Variants in FATE1 observed in about 807,000 individuals in gnomAD.
FATE1 encodes the protein fetal and adult testis-expressed transcript protein.
A neutral mutation model predicts 16.0 loss-of-function variants in FATE1; 18 were observed. That is an observed-to-expected ratio of 1.12 (90% confidence interval 0.78 to 1.66). The LOEUF is 1.66. Among genes scored for constraint, FATE1 ranks in the 40% most tolerant of loss-of-function variants. The pLI is 0.00. For synonymous variants in FATE1, 76 were observed against 56.9 expected (o/e 1.34, Z -1.51); for missense variants, 169 against 152.7 (o/e 1.11, Z -0.56).
intron 2 of FATE1, among the ~76,000 whole-genome samples, chrX:151,720,532 C>G (rs1386748354): frequency 8.9e-6 from 1 of 111,859 alleles, no homozygotes; most frequent in East Asian, 2.8e-4. Context: ...TACTGCTCTG[C>G]TACTTCCTAG....
chrX:151,722,633 T>G lies in FATE1; in HGVS notation c.426T>G (p.Tyr142Ter), dbSNP rs771447856. The G allele has an allele frequency of 8.3e-7, 1 of 1,211,405 alleles. No individual in the cohort carries two copies. ...TGCCTTTGACTCCTCTGCAGCTGTA[T>G]GCAGTCAACCGGCGTCTGCGCGCCC... Reference protein sequence around the residue: ...LEMEVMRRQLYAVNRRLRALE... With the variant: ...LEMEVMRRQL Residue 142 changes from tyrosine to a stop codon, truncating the protein, a stop_gained, in exon 5 of 5, where the codon TAT (tyrosine) becomes TAG (stop). Transcript: ENST00000370350. LOFTEE classifies it high-confidence loss of function.
At chrX:151,721,569 G>C in intron 3 of FATE1, 68 bp downstream of exon 3, 1 of 964,083 alleles carries the variant, frequency 1.0e-6, no homozygotes, top group Non-Finnish European at 1.5e-6. Flanking sequence ...AGGGGCTGGT[G>C]AGCAGCCTGG....
At position 151,723,047 on chromosome X, in the gene FATE1, C is replaced by CG; in HGVS notation, c.*288_*289insG. 3.3e-6 allele frequency: 1 copy of CG among 298,534 alleles called. No individual in the cohort carries two copies. The highest frequency in any genetic ancestry group is 5.9e-6 in the Non-Finnish European group (1 of 170,153). The allele number at this position is 298,534 out of a possible 1,213,427, so 24.6% of individuals were successfully genotyped here. A position where few individuals can be genotyped will look rare whatever the true frequency, so the allele number is the denominator to read the frequency against. On this transcript the variant is annotated 3_prime_UTR_variant, in exon 5 of 5. Transcript: ENST00000370350. ...GCCCCACAGTAACACCTAGTGGCAA[C>CG]CTTGCCTTCCTGACCTCAGCGGCCC...
Position 151,716,078 on chromosome X carries a change from G to A in FATE1, c.-42G>A, listed in dbSNP as rs1447503625. The A allele has an allele frequency of 9.1e-7, 1 of 1,100,455 alleles. No individual in the cohort carries two copies. The highest frequency in any genetic ancestry group is 1.2e-6 in the Non-Finnish European group (1 of 817,054). 90.7% of individuals were successfully genotyped at this position (1,100,455 alleles called of 1,213,427 possible). On this transcript the variant is annotated 5_prime_UTR_variant, in exon 1 of 5. In the 5' UTR this introduces an upstream ATG that the reference lacks. Transcript: ENST00000370350. ...GTGACTCCTCTGTTCCTGGCACCCTGTGCATCCTTAGCCATAGCTTACAAG... is the reference window on the plus strand; with the variant it reads ...GTGACTCCTCTGTTCCTGGCACCCTATGCATCCTTAGCCATAGCTTACAAG...
At position 151,716,066 on chromosome X, in the gene FATE1, T is replaced by C; in HGVS notation, c.-54T>C. 9.5e-7 allele frequency: 1 copy of C among 1,053,929 alleles called. No homozygotes were observed. Among genetic ancestry groups the C allele is most frequent in the Non-Finnish European group, 1.3e-6 (1 of 777,142 alleles). The allele number at this position is 1,053,929 out of a possible 1,213,427, so 86.9% of individuals were successfully genotyped here. On this transcript the variant is annotated 5_prime_UTR_variant, in exon 1 of 5. Transcript: ENST00000370350. ...GATTTTCTGAGTGTGACTCCTCTGT[T>C]CCTGGCACCCTGTGCATCCTTAGCC... is the stretch of plus-strand genomic sequence containing the variant.
At chrX:151,718,314 T>C (rs1395637008) in intron 2 of FATE1, among the ~76,000 whole-genome samples, 3 of 112,229 alleles carry the variant, frequency 2.7e-5, no homozygotes, top group Non-Finnish European at 3.8e-5. Context: ...AGGCAATCCT[T>C]TTAAGCTACA....
chrX:151,722,523 C>T (rs1299253718), intron 4 of FATE1, 105 bp from the exon 5 acceptor site: 1 of 1,124,990 alleles, frequency 8.9e-7, no homozygotes, highest in Non-Finnish European at 1.2e-6. Flanking sequence ...CGCCAAAGGG[C>T]AATCAAGCCC....
At chrX:151,717,586 T>C (rs2015072666) in intron 2 of FATE1, among the ~76,000 whole-genome samples, 187 bp downstream of exon 2, 1 of 112,292 alleles carries the variant, frequency 8.9e-6, no homozygotes, top group South Asian at 3.7e-4. Context: ...TCCTTTCCTA[T>C]GCTGGGGGTT....
At chrX:151,718,138 AAGGAAG>A (rs1274598658) in intron 2 of FATE1, among the ~76,000 whole-genome samples, 1 of 89,822 alleles carries the variant, frequency 1.1e-5, no homozygotes, top group Admixed American at 1.2e-4. Flanking sequence ...GGAAGGAAGG[AAGGAAG>A]GAAGGAAGGA....
chrX:151,716,805 C>T (rs754634169), intron 1 of FATE1, among the ~76,000 whole-genome samples: 245 of 111,496 alleles, frequency 2.2e-3, no homozygotes, highest in Non-Finnish European at 3.5e-3. Context: ...TTTCCCAGGG[C>T]TGGGTCCTTT....
chrX:151,716,365 T>C (rs1004798714), intron 1 of FATE1, 140 bp downstream of exon 1: 2 of 500,402 alleles, frequency 4.0e-6, no homozygotes, highest in East Asian at 7.9e-5. Flanking sequence ...CTTCGAGGAT[T>C]TGTGGGTTGA....
intron 2 of FATE1, among the ~76,000 whole-genome samples, chrX:151,717,716 A>T (rs901901715): frequency 5.7e-5 from 6 of 106,184 alleles, no homozygotes; most frequent in African/African-American, 2.2e-4. Context: ...TGTGTGTGGT[A>T]CGTGTGTGTG....
intron 2 of FATE1, among the ~76,000 whole-genome samples, chrX:151,720,093 C>T (rs911845012): frequency 2.7e-5 from 3 of 111,757 alleles, no homozygotes; most frequent in African/African-American, 6.5e-5. Context: ...TTTGGCTTGG[C>T]GGTAAGTGCC....
At position 151,717,257 on chromosome X, in the gene FATE1, T is replaced by C. The variant is rs765462123; in HGVS notation, c.107-15T>C. The stretch of plus-strand genomic sequence containing the variant: ...CTTCTATGGGTGCTCCTGGAGCTTC[T>C]GTTCTTCTCTCTAGAAATGATGGAG... On this transcript the variant is annotated splice_polypyrimidine_tract_variant and intron_variant, in intron 1 of 4. Transcript: ENST00000370350. 4 of 1,199,964 alleles carry C rather than the reference T, an allele frequency of 3.3e-6. No individual in the cohort carries two copies. Among genetic ancestry groups the C allele is most frequent in the South Asian group, 3.5e-5 (2 of 56,536 alleles).
chrX:151,717,522 T>C (rs2015072021), intron 2 of FATE1, 123 bp downstream of exon 2: 5 of 841,935 alleles, frequency 5.9e-6, no homozygotes, highest in South Asian at 2.9e-5. Flanking sequence ...AGGAAGCTCC[T>C]GTGCTCCAAG....
At chrX:151,717,118 G>C (rs1310244690) in intron 1 of FATE1, among the ~76,000 whole-genome samples, 154 bp from the exon 2 acceptor site, 1 of 111,301 alleles carries the variant, frequency 9.0e-6, no homozygotes, top group East Asian at 2.8e-4. Flanking sequence ...TGAACAAACT[G>C]AGACCTGGGA....
intron 4 of FATE1, among the ~76,000 whole-genome samples, 165 bp from the exon 5 acceptor site, chrX:151,722,463 C>T (rs993157575): frequency 8.9e-6 from 1 of 112,959 alleles, no homozygotes. Context: ...TTTGGTCCCG[C>T]GGACCTGGCC....
chrX:151,722,785 G>C lies in FATE1; in HGVS notation c.*26G>C. 2 of 1,186,782 alleles carry C rather than the reference G, an allele frequency of 1.7e-6. No individual in the cohort carries two copies. Among genetic ancestry groups the C allele is most frequent in the Non-Finnish European group, 1.1e-6 (1 of 882,124 alleles). On this transcript the variant is annotated 3_prime_UTR_variant, in exon 5 of 5. Coordinates refer to ENST00000370350, the MANE Select transcript of FATE1 (RefSeq NM_033085.3). ...TCGCCCCAGCGCGGCCTCCGTATTG[G>C]AGCCCTCCCTGCTTCCCCTTCTTTC... is the stretch of plus-strand genomic sequence containing the variant.
intron 2 of FATE1, among the ~76,000 whole-genome samples, chrX:151,721,138 CCT>C (rs1159699059): frequency 2.7e-5 from 3 of 112,721 alleles, no homozygotes; most frequent in Non-Finnish European, 5.6e-5. Context: ...GACAGGGACC[CCT>C]GTTACTGCTC....
Sources: gnomAD v4.1 joint callset for allele counts (sites outside exome capture counted in the v4.1 genomes callset) on GRCh38, gnomAD v4.1.1 for gene constraint, MANE v1.5 for transcripts, NCBI Gene and HGNC (gene_info 2026-07-23, HGNC 2026-07-21) for gene names.